Variants in IKBKB observed in about 807,000 individuals in gnomAD.
IKBKB encodes inhibitor of nuclear factor kappa-B kinase subunit beta.
A neutral mutation model predicts 113.6 loss-of-function variants in IKBKB; 42 were observed. The ratio of observed to expected loss-of-function variants is 0.37; its 90% CI spans 0.29 to 0.48. The LOEUF (loss-of-function observed/expected upper bound fraction) is 0.48. Among genes scored for constraint, IKBKB ranks in the 20% least tolerant of loss-of-function variants. IKBKB has a pLI of 0.99. For missense variants in IKBKB, 673 were observed against 939.7 expected (o/e 0.72, Z 3.71); for synonymous variants, 296 against 361.3 (o/e 0.82, Z 2.05).
In IKBKB at chr8:42,318,785, C is replaced by A. The variant is rs1406778222; in HGVS notation, c.1364+110C>A. On this transcript the variant is annotated intron_variant, in intron 13 of 21. Transcript: ENST00000520810. ...ACCCAGAAGCAACCGTTATGAGCAA[C>A]AAAAGGAAGACACTGGTTTGGATGG... The A allele has an allele frequency of 2.8e-6, 3 of 1,060,010 alleles. No individual in the cohort carries two copies. In the African/African-American group the frequency reaches 4.8e-5, roughly 17 times the overall value. 65.7% of individuals were successfully genotyped at this position (1,060,010 alleles called of 1,614,324 possible). A position where few individuals can be genotyped will look rare whatever the true frequency, so the allele number is the denominator to read the frequency against.
At chr8:42,306,687 G>A (rs561125989) in intron 7 of IKBKB, among the ~76,000 whole-genome samples, 11 of 152,346 alleles carry the variant, frequency 7.2e-5, no homozygotes, top group African/African-American at 2.6e-4. Flanking sequence ...TAGCCTCTCT[G>A]TGCTTCAGTG....
At chr8:42,286,788 G>A (rs1277981329) in intron 2 of IKBKB, among the ~76,000 whole-genome samples, 1 of 152,176 alleles carries the variant, frequency 6.6e-6, no homozygotes, top group Admixed American at 6.5e-5. Context: ...AACAGAAATT[G>A]GCCTAACAGG....
chr8:42,291,746 C>A (rs1317130), intron 4 of IKBKB, among the ~76,000 whole-genome samples: 32,841 of 151,984 alleles, frequency 0.22, 8,283 homozygotes, highest in African/African-American at 0.61. Flanking sequence ...GGCAACATAC[C>A]AAGGCCCTGT....
intron 21 of IKBKB, chr8:42,330,315 T>C: frequency 2.0e-6 from 2 of 983,544 alleles, no homozygotes; most frequent in Non-Finnish European, 2.4e-6. Context: ...ACAAGATTTA[T>C]TAATAAAAGG....
At chr8:42,290,357 T>C in intron 4 of IKBKB, 84 bp downstream of exon 4, 2 of 901,278 alleles carry the variant, frequency 2.2e-6, no homozygotes, top group Non-Finnish European at 3.6e-6. Context: ...CTTTCACTTC[T>C]GTCATCATCA....
intron 9 of IKBKB, 41 bp downstream of exon 9, chr8:42,314,470 CTT>C: frequency 7.6e-7 from 1 of 1,323,572 alleles, no homozygotes; most frequent in Non-Finnish European, 1.1e-6. Context: ...ATCTTTCTTG[CTT>C]TTTTTAGAAA....
At chr8:42,277,734 C>T (rs1809481955) in intron 2 of IKBKB, among the ~76,000 whole-genome samples, 1 of 152,206 alleles carries the variant, frequency 6.6e-6, no homozygotes, top group African/African-American at 2.4e-5. Flanking sequence ...CGGTGAGTTC[C>T]TCTGGGCTGG....
chr8:42,272,414 T>TA, intron 2 of IKBKB: 1 of 620,444 alleles, frequency 1.6e-6, no homozygotes. Flanking sequence ...GTCACCTAAA[T>TA]AAATAGTAAA....
intron 5 of IKBKB, among the ~76,000 whole-genome samples, chr8:42,302,481 GGCACCACAGATAGA>G (rs1242437911): frequency 6.6e-6 from 1 of 152,086 alleles, no homozygotes; most frequent in Non-Finnish European, 1.5e-5. Context: ...GGAGAGATCT[GGCACCACAGATAGA>G]GCATCCCTAA....
intron 12 of IKBKB, 22 bp downstream of exon 12, chr8:42,317,793 T>C: frequency 1.3e-6 from 2 of 1,509,588 alleles, no homozygotes; most frequent in South Asian, 1.1e-5. Flanking sequence ...TTATGTTTTG[T>C]TTTTCTAAAT....
Position 42,318,672 on chromosome 8 carries a change from C to T in IKBKB, c.1361C>T (p.Ala454Val), listed in dbSNP as rs1490249266. 5.0e-6 allele frequency: 8 copies of T among 1,603,402 alleles called. No individual in the cohort carries two copies. The highest frequency in any genetic ancestry group is 6.8e-6 in the Non-Finnish European group (8 of 1,174,146). ...CGGCTGCAGCAGGGACAGCGAGCCG[C>T]CATGTAGCGTGCCAGGCTTTTTTTT... The part of the protein sequence containing the change: ...CNRLQQGQRA[A>V]MMNLLRNNSC... Residue 454 changes from alanine (A) to valine (V), a missense_variant, in exon 13 of 22, where the codon GCC becomes GTC. Transcript: ENST00000520810.
At chr8:42,298,342 C>T (rs997935640) in intron 5 of IKBKB, 31 of 985,286 alleles carry the variant, frequency 3.1e-5, no homozygotes, top group Admixed American at 1.2e-4. Flanking sequence ...CCAGGCCTTT[C>T]GGGAACCCAC....
At chr8:42,276,418 A>G (rs986133555) in intron 2 of IKBKB, among the ~76,000 whole-genome samples, 14 of 152,144 alleles carry the variant, frequency 9.2e-5, no homozygotes, top group Non-Finnish European at 1.8e-4. Flanking sequence ...TCATTTGCCC[A>G]TTTGAAAAAT....
In IKBKB at chr8:42,290,272, A is replaced by G. The variant is rs755185347; in HGVS notation, c.317A>G (p.Lys106Arg). Reference protein sequence around the residue: ...MEYCQGGDLRKYLNQFENCCG... With the variant: ...MEYCQGGDLRRYLNQFENCCG... ...TACTGCCAAGGAGGAGATCTCCGGA[A>G]GGTGAGGCTCCCACGGCTGCCAGGT... Residue 106 changes from lysine to arginine, a missense_variant and splice_region_variant, in exon 4 of 22, where the codon AAG becomes AGG. Physicochemically the swap from Lys to Arg is conservative, Grantham distance 26. Transcript: ENST00000520810. 1.0e-5 allele frequency: 16 copies of G among 1,605,670 alleles called. No homozygotes were observed. In the Admixed American group the frequency reaches 1.8e-4, roughly 18 times the overall value.
chr8:42,290,320 G>A, intron 4 of IKBKB, 47 bp downstream of exon 4: 1 of 1,336,326 alleles, frequency 7.5e-7, no homozygotes, highest in East Asian at 2.3e-5. Flanking sequence ...TGGGCAGGTG[G>A]GACACCAGGA....
intron 4 of IKBKB, 21 bp from the exon 5 acceptor site, chr8:42,293,422 T>C (rs1563317552): frequency 1.2e-6 from 2 of 1,614,152 alleles, no homozygotes; most frequent in Non-Finnish European, 8.5e-7. Flanking sequence ...GCTCTGATGC[T>C]GCTTTTCACT....
At chr8:42,313,732 T>C (rs1372064161) in intron 8 of IKBKB, among the ~76,000 whole-genome samples, 1 of 152,226 alleles carries the variant, frequency 6.6e-6, no homozygotes, top group Non-Finnish European at 1.5e-5. Flanking sequence ...GCAGTGGTAC[T>C]ATCTGCAGAA....
chr8:42,293,513 G>A lies in IKBKB; in HGVS notation c.388+1G>A. On this transcript the variant is annotated splice_donor_variant, in intron 5 of 21. Transcript: ENST00000520810. LOFTEE classifies it high-confidence loss of function. Reference sequence around the variant, plus strand: ...ATCCTCACCTTGCTGAGTGACATTGGTAAATCCCAGTCCCGGAATTCAGGC... The same window carrying A: ...ATCCTCACCTTGCTGAGTGACATTGATAAATCCCAGTCCCGGAATTCAGGC... 1.2e-6 allele frequency: 2 copies of A among 1,614,192 alleles called. No individual in the cohort carries two copies. Among genetic ancestry groups the A allele is most frequent in the Non-Finnish European group, 1.7e-6 (2 of 1,180,050 alleles).
chr8:42,314,288 G>A (rs776107656), intron 8 of IKBKB, 34 bp from the exon 9 acceptor site: 4 of 1,430,094 alleles, frequency 2.8e-6, no homozygotes, highest in Admixed American at 1.7e-5. Context: ...TCATAGCAAC[G>A]TGTGACTGCA....
Sources: gnomAD v4.1 joint callset for allele counts (sites outside exome capture counted in the v4.1 genomes callset) on GRCh38, gnomAD v4.1.1 for gene constraint, MANE v1.5 for transcripts, NCBI Gene and HGNC (gene_info 2026-07-23, HGNC 2026-07-21) for gene names.